GSDMA: variants seen among roughly 807,000 people sequenced by gnomAD.
GSDMA encodes the protein gasdermin-A.
Under a neutral mutation model 54.3 loss-of-function variants are expected in GSDMA, and 55 were observed. The ratio of observed to expected loss-of-function variants is 1.01; its 90% CI spans 0.82 to 1.27. The LOEUF (loss-of-function observed/expected upper bound fraction) is 1.27, where lower values mean the gene tolerates loss of function less well. Ranked by LOEUF, GSDMA falls within the 50% of genes most tolerant of loss-of-function variation. The pLI is 0.00. For missense variants in GSDMA, 542 were observed against 542.6 expected, an observed-to-expected ratio of 1.00 and a Z score of 0.01; for synonymous variants, 211 against 224.7, an observed-to-expected ratio of 0.94 and a Z score of 0.54.
chr17:39,970,490 C>G lies in GSDMA; in HGVS notation c.401C>G (p.Ala134Gly). ...TGTTTCTCCTGCAACAGGAAGCTGG[C>G]AGCAGACCACCCATTCCTGAAGGAG... ...ALETVQERKL[A>G]ADHPFLKEMQ... The change falls in exon 4 of 12, where the codon GCA becomes GGA. Residue 134 changes from alanine to glycine, a missense_variant. Coordinates refer to ENST00000301659, the MANE Select transcript of GSDMA (RefSeq NM_178171.5). 10 of 1,575,768 alleles carry G rather than the reference C, an allele frequency of 6.3e-6. No homozygotes were observed. The highest frequency in any genetic ancestry group is 8.6e-6 in the Non-Finnish European group (10 of 1,160,686).
At chr17:39,970,838 C>T (rs1979907578) in intron 4 of GSDMA, among the ~76,000 whole-genome samples, 191 bp downstream of exon 4, 1 of 152,204 alleles carries the variant, frequency 6.6e-6, no homozygotes, top group African/African-American at 2.4e-5. Flanking sequence ...TGCCCCCTCC[C>T]TGGTCAGTGG....
intron 9 of GSDMA, among the ~76,000 whole-genome samples, 159 bp from the exon 10 acceptor site, chr17:39,974,741 A>G (rs1598307449): frequency 6.6e-6 from 1 of 152,220 alleles, no homozygotes; most frequent in Non-Finnish European, 1.5e-5. Flanking sequence ...CTCAGGAAAC[A>G]AGGAACCCAG....
chr17:39,971,001 A>G (rs149162910), intron 4 of GSDMA, among the ~76,000 whole-genome samples: 3 of 152,368 alleles, frequency 2.0e-5, no homozygotes, highest in Non-Finnish European at 4.4e-5. Flanking sequence ...GAGGAGACAC[A>G]GAGGCTAAAG....
intron 3 of GSDMA, 22 bp from the exon 4 acceptor site, chr17:39,970,460 C>T (rs1425896537): frequency 2.6e-6 from 4 of 1,555,696 alleles, no homozygotes; most frequent in Non-Finnish European, 3.5e-6. Context: ...TGAACGGTTC[C>T]CTTATGTTTC....
Position 39,970,485 on chromosome 17 carries a change from G to C in GSDMA, c.396G>C (p.Lys132Asn), listed in dbSNP as rs759648439. The stretch of plus-strand genomic sequence containing the variant: ...CCTTATGTTTCTCCTGCAACAGGAA[G>C]CTGGCAGCAGACCACCCATTCCTGA... The part of the protein sequence containing the change: ...PKALETVQER[K>N]LAADHPFLKE... The change falls in exon 4 of 12, where the codon AAG (lysine) becomes AAC (asparagine). Residue 132 changes from lysine to asparagine, a missense_variant. Lys to Asn is a moderately conservative substitution (Grantham distance 94). Coordinates refer to ENST00000301659, the MANE Select transcript of GSDMA (RefSeq NM_178171.5). 5 of 1,574,974 alleles carry C rather than the reference G, an allele frequency of 3.2e-6. No homozygotes were observed. The highest frequency in any genetic ancestry group is 2.3e-5 in the South Asian group (2 of 86,152).
intron 6 of GSDMA, 23 bp from the exon 7 acceptor site, chr17:39,972,564 A>T: frequency 5.6e-6 from 9 of 1,611,816 alleles, no homozygotes; most frequent in Non-Finnish European, 7.6e-6. Context: ...GTGCTGACAG[A>T]TGTGCATTTT....
At chr17:39,964,983 C>G (rs2144782587) in intron 1 of GSDMA, among the ~76,000 whole-genome samples, 1 of 151,890 alleles carries the variant, frequency 6.6e-6, no homozygotes, top group African/African-American at 2.4e-5. Flanking sequence ...TAAAAATTAG[C>G]CAAGTGCATG....
chr17:39,967,999 AG>A (rs1320811088), intron 3 of GSDMA, among the ~76,000 whole-genome samples: 2 of 152,184 alleles, frequency 1.3e-5, no homozygotes, highest in Non-Finnish European at 2.9e-5. Context: ...CTGGGACTAC[AG>A]GTGTCTGTCA....
At chr17:39,969,310 A>G (rs1979820609) in intron 3 of GSDMA, among the ~76,000 whole-genome samples, 1 of 151,286 alleles carries the variant, frequency 6.6e-6, no homozygotes, top group Non-Finnish European at 1.5e-5. Flanking sequence ...TGATCGAGCC[A>G]CTGCACTTCA....
intron 3 of GSDMA, among the ~76,000 whole-genome samples, chr17:39,968,337 G>GT (rs1258985091): frequency 3.3e-5 from 2 of 59,838 alleles, no homozygotes; most frequent in Admixed American, 1.8e-4. Flanking sequence ...ACTGAGCCCG[G>GT]TCTTTTTTTT....
chr17:39,966,108 G>A (rs930046559), intron 2 of GSDMA, among the ~76,000 whole-genome samples, 152 bp from the exon 3 acceptor site: 1 of 152,168 alleles, frequency 6.6e-6, no homozygotes, highest in African/African-American at 2.4e-5. Flanking sequence ...GTTTGTTTTT[G>A]TAGAGATGGG....
At chr17:39,969,007 C>T (rs937595810) in intron 3 of GSDMA, among the ~76,000 whole-genome samples, 2 of 152,004 alleles carry the variant, frequency 1.3e-5, no homozygotes, top group Admixed American at 1.3e-4. Flanking sequence ...GGGCCTGGAG[C>T]TCAGGAAAGA....
Position 39,972,188 on chromosome 17 carries a change from T to G in GSDMA, c.703+12T>G, listed in dbSNP as rs763711995. On this transcript the variant is annotated intron_variant, in intron 6 of 11. Coordinates refer to ENST00000301659, the MANE Select transcript of GSDMA (RefSeq NM_178171.5). ...CTTCCCTCCTGGAGGTAAGTGAAAT[T>G]GCTTACGGGCTTCCCACATCTTCCG... The G allele has an allele frequency of 6.5e-7, 1 of 1,550,042 alleles. No individual in the cohort carries two copies. Among genetic ancestry groups the G allele is most frequent in the Non-Finnish European group, 8.8e-7 (1 of 1,136,272 alleles).
At chr17:39,966,843 T>A (rs1437934503) in intron 3 of GSDMA, among the ~76,000 whole-genome samples, 1 of 152,198 alleles carries the variant, frequency 6.6e-6, no homozygotes, top group African/African-American at 2.4e-5. Flanking sequence ...GGATGTGTCT[T>A]AACTGCCCCC....
intron 3 of GSDMA, among the ~76,000 whole-genome samples, chr17:39,966,668 A>G (rs1186714191): frequency 2.0e-5 from 3 of 152,110 alleles, no homozygotes; most frequent in Non-Finnish European, 4.4e-5. Flanking sequence ...CCCCACTGTC[A>G]CGCATGCACA....
Position 39,974,409 on chromosome 17 carries a change from A to G in GSDMA, c.888A>G (p.Leu296=). Residue 296 remains leucine (L), a synonymous_variant, in exon 9 of 12, where the codon CTA becomes CTG. Transcript: ENST00000301659. ...LSKLLGKKKE[L]QDLELALEGA... ...AACTTCTAGGGAAGAAAAAGGAGCT[A>G]CAAGACCTTGAGCTCGCAGTGAGGA... 6.3e-7 allele frequency: 1 copy of G among 1,586,202 alleles called. No homozygotes were observed.
At chr17:39,966,784 C>G (rs1195158415) in intron 3 of GSDMA, among the ~76,000 whole-genome samples, 1 of 152,192 alleles carries the variant, frequency 6.6e-6, no homozygotes, top group Non-Finnish European at 1.5e-5. Flanking sequence ...ATGATCATCT[C>G]TAAGGCTCCT....
chr17:39,972,681 T>G (rs1232667336), intron 7 of GSDMA, 68 bp downstream of exon 7: 1 of 1,367,708 alleles, frequency 7.3e-7, no homozygotes. Context: ...GTCTTTTTCT[T>G]TCCTTCTGAC....
At chr17:39,974,246 C>T in intron 8 of GSDMA, 27 bp from the exon 9 acceptor site, 1 of 1,589,452 alleles carries the variant, frequency 6.3e-7, no homozygotes, top group Non-Finnish European at 8.6e-7. Flanking sequence ...CGATGGAGGG[C>T]TGTGTGTCCC....
Sources: allele counts gnomAD v4.1 joint callset (sites outside exome capture counted in the v4.1 genomes callset), GRCh38; gene constraint gnomAD v4.1.1; transcripts MANE v1.5; gene names NCBI Gene and HGNC (gene_info 2026-07-23, HGNC 2026-07-21).